The following CALML6 variants were observed in gnomAD, a reference collection of about 807,000 sequenced individuals.
The protein encoded by CALML6 is calmodulin like 6, also known as calmodulin-like protein 6.
A neutral mutation model predicts 25.0 loss-of-function variants in CALML6; 27 were observed. The observed-to-expected ratio is 1.08, with a 90% CI of 0.80 to 1.49. CALML6 has a LOEUF of 1.49. Among genes scored for constraint, CALML6 ranks in the 40% most tolerant of loss-of-function variants. The pLI is 0.00. For synonymous variants in CALML6, 97 were observed against 87.2 expected (o/e 1.11, Z -0.63); for missense variants, 239 against 232.7 (o/e 1.03, Z -0.18).
At position 1,915,292 on chromosome 1, in the gene CALML6, A is replaced by G; in HGVS notation, c.12A>G (p.Gln4=). 6.4e-7 allele frequency: 1 copy of G among 1,557,722 alleles called. No individual in the cohort carries two copies. Among genetic ancestry groups the G allele is most frequent in the African/African-American group, 1.4e-5 (1 of 73,670 alleles). The change falls in exon 1 of 6, where the codon CAA becomes CAG. Residue 4 remains glutamine (Q), a synonymous_variant. Transcript: ENST00000307786. The part of the protein sequence containing the change: MGL[Q]QEISLQPWCH... ...ACCAGCTGGCCAGGATGGGTCTTCAACAAGAAATCTCACTGGTAAGTGATG... is the reference window on the plus strand; with the variant it reads ...ACCAGCTGGCCAGGATGGGTCTTCAGCAAGAAATCTCACTGGTAAGTGATG...
intron 4 of CALML6, 34 bp downstream of exon 4, chr1:1,916,930 G>T: frequency 1.5e-6 from 1 of 665,018 alleles, no homozygotes; most frequent in South Asian, 1.4e-5. Flanking sequence ...TGGTGGGCGG[G>T]CACGGGCAGG....
chr1:1,916,852 C>A lies in CALML6; in HGVS notation c.354C>A (p.Val118=). The change falls in exon 4 of 6, where the codon GTC becomes GTA. Residue 118 remains valine, a synonymous_variant. Coordinates refer to ENST00000307786, the MANE Select transcript of CALML6 (RefSeq NM_138705.4). ...QESELRAAFR[V]FDKEGKGYID... ...GCGAGCTGAGGGCGGCATTCCGTGT[C>A]TTTGACAAAGAGGGCAAGGGCTACA... 1 of 1,427,216 alleles carries A rather than the reference C, an allele frequency of 7.0e-7. No homozygotes were observed. The highest frequency in any genetic ancestry group is 9.3e-7 in the Non-Finnish European group (1 of 1,072,432). 88.4% of individuals were successfully genotyped at this position (1,427,216 alleles called of 1,614,324 possible). A position where few individuals can be genotyped will look rare whatever the true frequency, so the allele number is the denominator to read the frequency against.
In CALML6 at chr1:1,916,529, G is replaced by T. The variant is rs147568087; in HGVS notation, c.167G>T (p.Gly56Val). Residue 56 changes from glycine (G) to valine (V), a missense_variant, in exon 3 of 6, where the codon GGG (glycine) becomes GTG (valine). By Grantham distance (109) the Gly-to-Val change is moderately radical. Coordinates refer to ENST00000307786, the MANE Select transcript of CALML6 (RefSeq NM_138705.4). Reference sequence around the variant, plus strand: ...GAGGGCAACGGGGAGGTGAAGACGGGGGAGCTGGAGTGGCTCATGAGCCTG... The same window carrying T: ...GAGGGCAACGGGGAGGTGAAGACGGTGGAGCTGGAGTGGCTCATGAGCCTG... ...DEEGNGEVKT[G>V]ELEWLMSLLG... The T allele has an allele frequency of 1.8e-4, 287 of 1,611,016 alleles. 1 individual carries two copies. In the African/African-American group the frequency reaches 3.6e-3, roughly 20 times the overall value.
At chr1:1,915,623 C>T in intron 1 of CALML6, 62 bp from the exon 2 acceptor site, 1 of 1,576,356 alleles carries the variant, frequency 6.3e-7, no homozygotes, top group Non-Finnish European at 8.7e-7. Flanking sequence ...CCCCGGGGAC[C>T]CCAGGCAGCC....
chr1:1,915,778 G>T, intron 2 of CALML6, 43 bp downstream of exon 2: 1 of 1,600,400 alleles, frequency 6.2e-7, no homozygotes, highest in Non-Finnish European at 8.6e-7. Context: ...TGGTGGGCTG[G>T]CTGGGTAGGT....
rs377368936 is a variant in CALML6, at chr1:1,917,172, G to A, written c.525G>A (p.Glu175=). 4.4e-6 allele frequency: 7 copies of A among 1,606,198 alleles called. No individual in the cohort carries two copies. Among genetic ancestry groups the A allele is most frequent in the Non-Finnish European group, 5.1e-6 (6 of 1,177,604 alleles). Reference sequence around the variant, plus strand: ...AGTTTGTGGCCATGATGACGGGGGAGTCCTTCAAGCTGATCCAGTAGGTGC... The same window carrying A: ...AGTTTGTGGCCATGATGACGGGGGAATCCTTCAAGCTGATCCAGTAGGTGC... ...YEEFVAMMTG[E]SFKLIQ The change falls in exon 6 of 6, where the codon GAG becomes GAA. Residue 175 remains glutamate (E), a synonymous_variant. Coordinates refer to ENST00000307786, the MANE Select transcript of CALML6 (RefSeq NM_138705.4).
chr1:1,916,945 A>G (rs1651148660), intron 4 of CALML6, 29 bp from the exon 5 acceptor site: 1 of 1,611,384 alleles, frequency 6.2e-7, no homozygotes, highest in African/African-American at 1.3e-5. Context: ...GGCAGGGCCG[A>G]TGGAGTGGCT....
chr1:1,917,125 T>C, intron 5 of CALML6, 22 bp from the exon 6 acceptor site: 1 of 1,608,698 alleles, frequency 6.2e-7, no homozygotes, highest in Non-Finnish European at 8.5e-7. Context: ...GGCAAGCTGC[T>C]GACCTGCCCC....
chr1:1,915,543 A>G lies in CALML6; in HGVS notation c.28-142A>G. 3 of 1,217,178 alleles carry G rather than the reference A, an allele frequency of 2.5e-6. No homozygotes were observed. The South Asian group carries it at 4.3e-5, about 17-fold the overall frequency. The allele number at this position is 1,217,178 out of a possible 1,614,324, so 75.4% of individuals were successfully genotyped here. On this transcript the variant is annotated intron_variant, in intron 1 of 5. Coordinates refer to ENST00000307786, the MANE Select transcript of CALML6 (RefSeq NM_138705.4). ...CGGGCCGGGAAGGGGCCCTGTGGAT[A>G]AGGCCGAGAGCCTGTCCCAAAATAG...
At chr1:1,916,923 T>TGGGGGGGGGGG in intron 4 of CALML6, 27 bp downstream of exon 4, 1 of 361,936 alleles carries the variant, frequency 2.8e-6, no homozygotes, top group Non-Finnish European at 4.3e-6. Context: ...GGGCGGGTGG[T>TGGGGGGGGGGG]GGGCGGGCAC....
Position 1,916,758 on chromosome 1 carries a change from G to A in CALML6, c.260G>A (p.Gly87Glu). Residue 87 changes from glycine (G) to glutamate (E), a missense_variant, in exon 4 of 6, where the codon GGG becomes GAG. Gly to Glu is a moderately conservative substitution (Grantham distance 98). This residue lies in a region of CALML6 where 231 missense variants were observed against 210.9 expected (regional missense o/e 1.10). Transcript: ENST00000307786. ...MAKDVDRDNK[G>E]FFNCDGFLAL... ...CCAGCTGTGCCCCTTGCAGACAAAG[G>A]GTTCTTCAACTGCGATGGTTTCCTG... The A allele has an allele frequency of 1.2e-6, 2 of 1,613,550 alleles. No homozygotes were observed. The highest frequency in any genetic ancestry group is 8.5e-7 in the Non-Finnish European group (1 of 1,180,014).
At chr1:1,916,930 G>GA in intron 4 of CALML6, 34 bp downstream of exon 4, 2 of 665,020 alleles carry the variant, frequency 3.0e-6, no homozygotes, top group Admixed American at 4.0e-5. Context: ...TGGTGGGCGG[G>GA]CACGGGCAGG....
intron 1 of CALML6, 132 bp from the exon 2 acceptor site, chr1:1,915,553 G>T (rs1651079453): frequency 1.6e-6 from 2 of 1,245,040 alleles, no homozygotes; most frequent in Non-Finnish European, 2.2e-6. Context: ...AAGGCCGAGA[G>T]CCTGTCCCAA....
At chr1:1,915,608 C>T in intron 1 of CALML6, 77 bp from the exon 2 acceptor site, 1 of 1,506,968 alleles carries the variant, frequency 6.6e-7, no homozygotes. Flanking sequence ...CTCTTGGAAT[C>T]TGGACCCCGG....
Position 1,916,527 on chromosome 1 carries a change from G to C in CALML6, c.165G>C (p.Thr55=). 1 of 1,610,294 alleles carries C rather than the reference G, an allele frequency of 6.2e-7. No individual in the cohort carries two copies. Among genetic ancestry groups the C allele is most frequent in the Non-Finnish European group, 8.5e-7 (1 of 1,178,440 alleles). The change falls in exon 3 of 6, where the codon ACG becomes ACC. Residue 55 remains threonine (T), a synonymous_variant. Transcript: ENST00000307786. ...AAGAGGGCAACGGGGAGGTGAAGAC[G>C]GGGGAGCTGGAGTGGCTCATGAGCC... ...FDEEGNGEVK[T]GELEWLMSLL... is the part of the protein sequence containing the mutation.
At position 1,916,804 on chromosome 1, in the gene CALML6, T is replaced by C. The variant is rs75157634; in HGVS notation, c.306T>C (p.His102=). The change falls in exon 4 of 6, where the codon CAT becomes CAC. Residue 102 remains histidine (H), a synonymous_variant. Transcript: ENST00000307786. ...DGFLALMGVY[H]EKAQNQESEL... Reference sequence around the variant, plus strand: ...TCCTGGCACTAATGGGAGTTTACCATGAGAAGGCCCAGAACCAGGAGAGCG... The same window carrying C: ...TCCTGGCACTAATGGGAGTTTACCACGAGAAGGCCCAGAACCAGGAGAGCG... 9.9e-4 allele frequency: 1,594 copies of C among 1,613,184 alleles called. 12 individuals carry two copies. In the African/African-American group the frequency reaches 0.018, roughly 18 times the overall value.
chr1:1,915,790 G>A, intron 2 of CALML6, 55 bp downstream of exon 2: 1 of 1,578,004 alleles, frequency 6.3e-7, no homozygotes, highest in South Asian at 1.1e-5. Flanking sequence ...TGGGTAGGTT[G>A]AGCTGGAACC....
chr1:1,916,347 A>C, intron 2 of CALML6, 94 bp from the exon 3 acceptor site: 1 of 1,177,584 alleles, frequency 8.5e-7, no homozygotes. Flanking sequence ...AAGGCTGCCA[A>C]TGGAGGAATG....
intron 2 of CALML6, chr1:1,915,968 T>C (rs1438219538): frequency 1.7e-6 from 1 of 591,784 alleles, no homozygotes; most frequent in African/African-American, 1.9e-5. Flanking sequence ...CAGGCAGGTG[T>C]GGCCCGGTGC....
Sources: gnomAD v4.1 joint callset for allele counts on GRCh38, gnomAD v4.1.1 for gene constraint, gnomAD v4.1.1 regional missense constraint, MANE v1.5 for transcripts, NCBI Gene and HGNC (gene_info 2026-07-23, HGNC 2026-07-21) for gene names.